The following LAPTM4B variants were observed in gnomAD, a reference collection of about 807,000 sequenced individuals.
The protein encoded by LAPTM4B is lysosomal protein transmembrane 4 beta, also known as lysosomal-associated transmembrane protein 4B.
Under a neutral mutation model 28.5 loss-of-function variants are expected in LAPTM4B, and 26 were observed. That is an observed-to-expected ratio of 0.91 (90% confidence interval 0.67 to 1.27). The LOEUF (loss-of-function observed/expected upper bound fraction) is 1.27. Among genes scored for constraint, LAPTM4B ranks in the 50% most tolerant of loss-of-function variants. The pLI, the probability that LAPTM4B is intolerant of heterozygous loss-of-function variation, is 0.00. For missense variants in LAPTM4B, 288 were observed against 285.8 expected (o/e 1.01, Z -0.06); for synonymous variants, 109 against 106.4 (o/e 1.02, Z -0.15).
chr8:97,816,922 A>T (rs1017013437), intron 4 of LAPTM4B, among the ~76,000 whole-genome samples: 1 of 142,128 alleles, frequency 7.0e-6, no homozygotes, highest in African/African-American at 2.6e-5. Flanking sequence ...CCTGGGCAAT[A>T]GAGTGAGATC....
chr8:97,793,991 G>GT (rs752042068), intron 1 of LAPTM4B, among the ~76,000 whole-genome samples: 161 of 151,802 alleles, frequency 1.1e-3, no homozygotes, highest in South Asian at 4.2e-3. Flanking sequence ...TTTGTTTTTT[G>GT]TTTTTTTTGA....
In LAPTM4B at chr8:97,830,281, G is replaced by A. The variant is rs192803167; in HGVS notation, c.603+5128G>A. Among the ~76,000 whole-genome samples the A allele has an allele frequency of 2.7e-3, 407 of 152,306 alleles. 1 individual carries two copies. Among genetic ancestry groups the A allele is most frequent in the African/African-American group, 9.2e-3 (384 of 41,574 alleles). Reference sequence around the variant, plus strand: ...CAGGAGAACGGGAGTGAGACCCAAAGTGAGTAGAAAAGAACTTCATCGAGG... The same window carrying A: ...CAGGAGAACGGGAGTGAGACCCAAAATGAGTAGAAAAGAACTTCATCGAGG... On this transcript the variant is annotated intron_variant, in intron 6 of 6. Transcript: ENST00000521545.
chr8:97,823,356 G>GTTTTTTTTTTTT (rs72472850), intron 5 of LAPTM4B, among the ~76,000 whole-genome samples: 2 of 131,106 alleles, frequency 1.5e-5, no homozygotes, highest in African/African-American at 3.0e-5. Context: ...TTTTTTTTTT[G>GTTTTTTTTTTTT]TTTTTTTTTT....
chr8:97,813,105 T>G (rs1816853607), intron 2 of LAPTM4B, among the ~76,000 whole-genome samples: 1 of 152,254 alleles, frequency 6.6e-6, no homozygotes, highest in Non-Finnish European at 1.5e-5. Context: ...GAGGATTGAC[T>G]TATATGACCA....
chr8:97,825,064 T>C lies in LAPTM4B; in HGVS notation c.514T>C (p.Leu172=). 6.3e-7 allele frequency: 1 copy of C among 1,597,744 alleles called. No individual in the cohort carries two copies. The highest frequency in any genetic ancestry group is 1.7e-5 in the Admixed American group (1 of 59,816). The change falls in exon 6 of 7, where the codon TTG becomes CTG. Residue 172 remains leucine (L), a synonymous_variant. Coordinates refer to ENST00000521545, the MANE Select transcript of LAPTM4B (RefSeq NM_018407.6). ...ISIILTFKGY[L]ISCVWNCYRY... The stretch of plus-strand genomic sequence containing the variant: ...AATCACTCCTCATTTTCAGGGTTAC[T>C]TGATTAGCTGTGTTTGGAACTGCTA...
chr8:97,806,059 A>T (rs566534196), intron 2 of LAPTM4B, among the ~76,000 whole-genome samples: 179 of 152,292 alleles, frequency 1.2e-3, no homozygotes, highest in African/African-American at 4.0e-3. Context: ...AAGATAGTAC[A>T]GATTTATTTC....
In LAPTM4B at chr8:97,794,978, C is replaced by G. The variant is rs182215629; in HGVS notation, c.100-10375C>G. ...CCACCTGCCTCAGCCTCCCAAAGTG[C>G]TGGGATTACAGGCGTGAGCCGCCAT... On this transcript the variant is annotated intron_variant, in intron 1 of 6. Transcript: ENST00000521545. Among the ~76,000 whole-genome samples the G allele has an allele frequency of 4.2e-3, 645 of 152,362 alleles. 3 individuals carry two copies. Among genetic ancestry groups the G allele is most frequent in the African/African-American group, 0.014 (594 of 41,580 alleles).
intron 5 of LAPTM4B, among the ~76,000 whole-genome samples, chr8:97,820,475 C>G (rs1156311919): frequency 6.6e-6 from 1 of 151,904 alleles, no homozygotes; most frequent in Non-Finnish European, 1.5e-5. Context: ...TTATGTCATT[C>G]TTCAAAAATC....
At chr8:97,821,594 G>C (rs1254603987) in intron 5 of LAPTM4B, among the ~76,000 whole-genome samples, 1 of 152,168 alleles carries the variant, frequency 6.6e-6, no homozygotes, top group African/African-American at 2.4e-5. Flanking sequence ...GGTGCATCAA[G>C]CGTAGCTGTG....
chr8:97,811,810 G>T (rs577402785), intron 2 of LAPTM4B, among the ~76,000 whole-genome samples: 1 of 152,072 alleles, frequency 6.6e-6, no homozygotes, highest in African/African-American at 2.4e-5. Flanking sequence ...CTTTACTTTT[G>T]TATTTTATTT....
chr8:97,839,251 A>G (rs904760202), intron 6 of LAPTM4B, among the ~76,000 whole-genome samples: 46 of 152,030 alleles, frequency 3.0e-4, no homozygotes, highest in African/African-American at 7.7e-4. Context: ...CTGGAGTGCA[A>G]TGGCGCGATC....
At chr8:97,829,467 G>GTT (rs1817145795) in intron 6 of LAPTM4B, among the ~76,000 whole-genome samples, 1 of 152,128 alleles carries the variant, frequency 6.6e-6, no homozygotes, top group African/African-American at 2.4e-5. Context: ...AAGAGTAAAG[G>GTT]AACATAAGGA....
At position 97,776,058 on chromosome 8, in the gene LAPTM4B, T is replaced by C. The variant is rs1341371692; in HGVS notation, c.49T>C (p.Leu17=). The C allele has an allele frequency of 1.3e-6, 2 of 1,588,668 alleles. No homozygotes were observed. The highest frequency in any genetic ancestry group is 1.7e-6 in the Non-Finnish European group (2 of 1,171,320). ...WTRFYSNSCC[L]CCHVRTGTIL... ...GCGGTTCTACTCCAACAGCTGCTGC[T>C]TGTGCTGCCATGTCCGCACCGGCAC... is the stretch of plus-strand genomic sequence containing the variant. The change falls in exon 1 of 7, where the codon TTG becomes CTG. Residue 17 remains leucine, a synonymous_variant. Transcript: ENST00000521545.
intron 6 of LAPTM4B, among the ~76,000 whole-genome samples, chr8:97,841,186 C>T (rs1055431468): frequency 1.5e-4 from 3 of 20,238 alleles, no homozygotes; most frequent in Non-Finnish European, 1.8e-4. Context: ...CCAGACGGGG[C>T]GGCACAGCCA....
chr8:97,819,488 G>A (rs1172619037), intron 5 of LAPTM4B, among the ~76,000 whole-genome samples: 2 of 152,060 alleles, frequency 1.3e-5, no homozygotes. Context: ...ACATTACATA[G>A]TATATGATAT....
chr8:97,834,032 C>T lies in LAPTM4B; in HGVS notation c.603+8879C>T, dbSNP rs78749681. Among the ~76,000 whole-genome samples, 270 of 151,644 alleles carry T rather than the reference C, an allele frequency of 1.8e-3. 1 individual carries two copies. The East Asian group carries it at 0.032, about 18-fold the overall frequency. On this transcript the variant is annotated intron_variant, in intron 6 of 6. Transcript: ENST00000521545. ...GGTTGTTTTAAAGTAATAAATGAACCGATGAAAACTCGCAGTGGCTCACGC... is the reference window on the plus strand; with the variant it reads ...GGTTGTTTTAAAGTAATAAATGAACTGATGAAAACTCGCAGTGGCTCACGC...
chr8:97,784,333 A>C (rs115344531), intron 1 of LAPTM4B, among the ~76,000 whole-genome samples: 2,651 of 152,338 alleles, frequency 0.017, 61 homozygotes, highest in African/African-American at 0.059. Flanking sequence ...AAAAGACTAA[A>C]TAGTAGGCTA....
chr8:97,845,826 T>A (rs1197905632), intron 6 of LAPTM4B, among the ~76,000 whole-genome samples: 1 of 148,092 alleles, frequency 6.8e-6, no homozygotes, highest in East Asian at 2.0e-4. Context: ...TTTTTTTTCT[T>A]TCTTTTCTCT....
intron 2 of LAPTM4B, among the ~76,000 whole-genome samples, chr8:97,808,397 G>A (rs1248317220): frequency 6.6e-6 from 1 of 151,838 alleles, no homozygotes; most frequent in Non-Finnish European, 1.5e-5. Context: ...GCAGTGAGCC[G>A]AGATCGCGCC....
Sources: allele counts gnomAD v4.1 joint callset (sites outside exome capture counted in the v4.1 genomes callset), GRCh38; gene constraint gnomAD v4.1.1; transcripts MANE v1.5; gene names NCBI Gene and HGNC (gene_info 2026-07-23, HGNC 2026-07-21).